LINGO2: variants seen among roughly 807,000 people sequenced by gnomAD.
The protein encoded by LINGO2 is leucine rich repeat and Ig domain containing 2, also known as leucine-rich repeat and immunoglobulin-like domain-containing nogo receptor-interacting protein 2.
A neutral mutation model predicts 30.6 loss-of-function variants in LINGO2; 14 were observed. That is an observed-to-expected ratio of 0.46 (90% CI 0.30 to 0.72). LINGO2 has a LOEUF of 0.72. Ranked by LOEUF, LINGO2 falls within the 30% of genes least tolerant of loss-of-function variation. LINGO2 has a pLI of 0.07. For missense variants in LINGO2, 729 were observed against 751.7 expected (o/e 0.97, Z 0.35); for synonymous variants, 317 against 288.5 (o/e 1.10, Z -1.00).
At chr9:28,764,240 T>C in the LINGO2 span, among the ~76,000 whole-genome samples, 1 of 151,642 alleles carries the variant, frequency 6.6e-6, no homozygotes. Context: ...TTAATAAAAA[T>C]AGATGAAAAA....
Position 28,176,871 on chromosome 9 carries a change from C to T in LINGO2, c.-87+118337G>A, listed in dbSNP as rs368926639. Among the ~76,000 whole-genome samples, 66 of 152,264 alleles carry T rather than the reference C, an allele frequency of 4.3e-4. No individual in the cohort carries two copies. The South Asian group carries it at 4.6e-3, about 11-fold the overall frequency. On this transcript the variant is annotated intron_variant, in intron 4 of 5. Coordinates refer to ENST00000379992, the Ensembl canonical transcript of LINGO2. ...CCTGTGTCTCATACTGTTACTCAATCATTTAAAACTCAAGAATCATATTTT... is the reference window on the plus strand; with the variant it reads ...CCTGTGTCTCATACTGTTACTCAATTATTTAAAACTCAAGAATCATATTTT...
the LINGO2 span, among the ~76,000 whole-genome samples, chr9:28,883,626 G>GTATATA: frequency 4.3e-4 from 11 of 25,658 alleles, no homozygotes; most frequent in African/African-American, 9.6e-4. Flanking sequence ...ATATGTGTGT[G>GTATATA]TGTATATATA....
intron 2 of LINGO2, among the ~76,000 whole-genome samples, chr9:28,471,399 A>G (rs1000380831): frequency 6.6e-6 from 1 of 152,212 alleles, no homozygotes; most frequent in Non-Finnish European, 1.5e-5. Context: ...CAGTCACTTG[A>G]GAGCAAGAAC....
chr9:28,055,548 G>T (rs957487227), intron 4 of LINGO2, among the ~76,000 whole-genome samples: 1 of 152,150 alleles, frequency 6.6e-6, no homozygotes, highest in Non-Finnish European at 1.5e-5. Context: ...CTTCCACTTT[G>T]AATTGGAATT....
the LINGO2 span, among the ~76,000 whole-genome samples, chr9:28,840,888 T>C: frequency 6.6e-6 from 1 of 151,866 alleles, no homozygotes; most frequent in Non-Finnish European, 1.5e-5. Flanking sequence ...ATTTATTATG[T>C]TCTAACAACA....
chr9:28,776,579 G>C, the LINGO2 span, among the ~76,000 whole-genome samples: 2 of 152,128 alleles, frequency 1.3e-5, no homozygotes, highest in East Asian at 3.9e-4. Context: ...AACCATGCTG[G>C]AGCTGTTTCC....
intron 4 of LINGO2, among the ~76,000 whole-genome samples, chr9:28,171,020 C>T (rs1262251437): frequency 2.0e-5 from 3 of 152,208 alleles, no homozygotes; most frequent in Non-Finnish European, 2.9e-5. Context: ...TCATCCCCAA[C>T]CCAAAACCAC....
intron 5 of LINGO2, among the ~76,000 whole-genome samples, chr9:27,986,718 G>C (rs76847865): frequency 0.011 from 1,619 of 151,894 alleles, 26 homozygotes; most frequent in African/African-American, 0.036. Flanking sequence ...CTCCTTAAAG[G>C]CTGTAAAACT....
the LINGO2 span, among the ~76,000 whole-genome samples, chr9:28,723,725 T>C: frequency 6.6e-6 from 1 of 152,070 alleles, no homozygotes; most frequent in Admixed American, 6.6e-5. Flanking sequence ...CTATACCTCA[T>C]ATCCTAGAGA....
chr9:28,569,976 G>C (rs1823594814), intron 1 of LINGO2, among the ~76,000 whole-genome samples: 2 of 151,834 alleles, frequency 1.3e-5, no homozygotes, highest in Non-Finnish European at 2.9e-5. Context: ...ACATAAAATT[G>C]AAGTAGTGAT....
chr9:28,771,189 A>C, the LINGO2 span, among the ~76,000 whole-genome samples: 1 of 152,118 alleles, frequency 6.6e-6, no homozygotes, highest in Non-Finnish European at 1.5e-5. Flanking sequence ...GTAAGATCCC[A>C]CATCTGAGCA....
chr9:28,149,143 G>A (rs2133541374), intron 4 of LINGO2: 1 of 1,466,434 alleles, frequency 6.8e-7, no homozygotes, highest in Non-Finnish European at 9.2e-7. Flanking sequence ...ACATGAGGGT[G>A]TTAAGTAGAA....
chr9:28,071,745 G>A (rs1825483659), intron 4 of LINGO2, among the ~76,000 whole-genome samples: 1 of 152,000 alleles, frequency 6.6e-6, no homozygotes, highest in Non-Finnish European at 1.5e-5. Flanking sequence ...TTGGTTCTAA[G>A]AGCTGTCTGT....
intron 4 of LINGO2, among the ~76,000 whole-genome samples, chr9:28,204,248 G>C (rs12237312): frequency 3.3e-5 from 5 of 151,522 alleles, no homozygotes; most frequent in Non-Finnish European, 5.9e-5. Flanking sequence ...ACACGTGCAT[G>C]CACACACACA....
At chr9:28,039,299 C>G (rs1170294533) in intron 4 of LINGO2, among the ~76,000 whole-genome samples, 1 of 152,176 alleles carries the variant, frequency 6.6e-6, no homozygotes, top group Non-Finnish European at 1.5e-5. Flanking sequence ...ATACACTTGA[C>G]TACGCAATTT....
At chr9:28,272,093 A>G (rs1183306658) in intron 4 of LINGO2, among the ~76,000 whole-genome samples, 2 of 151,936 alleles carry the variant, frequency 1.3e-5, no homozygotes. Flanking sequence ...TCCACTCACC[A>G]TTTTCATGGC....
chr9:28,649,538 A>G (rs1320018200), intron 1 of LINGO2, among the ~76,000 whole-genome samples: 1 of 152,150 alleles, frequency 6.6e-6, no homozygotes, highest in Non-Finnish European at 1.5e-5. Flanking sequence ...ACATACATAC[A>G]TACATAGGTC....
At chr9:28,530,468 A>G (rs1160183359) in intron 1 of LINGO2, among the ~76,000 whole-genome samples, 1 of 152,108 alleles carries the variant, frequency 6.6e-6, no homozygotes, top group Non-Finnish European at 1.5e-5. Flanking sequence ...TTAATATGCT[A>G]ATTTGCCCAT....
chr9:28,483,430 T>C (rs936816067), intron 1 of LINGO2, among the ~76,000 whole-genome samples: 3 of 151,916 alleles, frequency 2.0e-5, no homozygotes, highest in African/African-American at 7.2e-5. Flanking sequence ...CCTCTGCAAA[T>C]GATGTTTTGT....
Sources: allele counts gnomAD v4.1 joint callset (sites outside exome capture counted in the v4.1 genomes callset), GRCh38; gene constraint gnomAD v4.1.1; transcripts MANE v1.5; gene names NCBI Gene and HGNC (gene_info 2026-07-23, HGNC 2026-07-21).